ZNF20: variants seen among roughly 807,000 people sequenced by gnomAD.
The protein encoded by ZNF20 is zinc finger protein 20.
Under a neutral mutation model 11.0 loss-of-function variants are expected in ZNF20, and 9 were observed. The ratio of observed to expected loss-of-function variants is 0.82; its 90% CI spans 0.49 to 1.43. The LOEUF is 1.43. ZNF20 is among the 40% of genes most tolerant of loss of function. The pLI is 0.00. For missense variants in ZNF20, 528 were observed against 640.8 expected (o/e 0.82, Z 1.90); for synonymous variants, 182 against 213.0 (o/e 0.85, Z 1.27).
intron 1 of ZNF20, 91 bp from the exon 2 acceptor site, chr19:12,135,995 A>C: frequency 1.3e-6 from 2 of 1,489,452 alleles, no homozygotes; most frequent in Non-Finnish European, 9.0e-7. Flanking sequence ...GTGGACTCCA[A>C]ACATTTATCC....
chr19:12,137,994 CT>C (rs1976739323), intron 1 of ZNF20, among the ~76,000 whole-genome samples: 1 of 152,120 alleles, frequency 6.6e-6, no homozygotes, highest in Non-Finnish European at 1.5e-5. Context: ...CACACCCTGC[CT>C]CAGGCTATCC....
At chr19:12,134,614 G>T (rs1000951901) in intron 3 of ZNF20, among the ~76,000 whole-genome samples, 1 of 152,082 alleles carries the variant, frequency 6.6e-6, no homozygotes, top group Non-Finnish European at 1.5e-5. Flanking sequence ...CTCCACTCCC[G>T]CCTGGGTGAC....
rs780424478 is a variant in ZNF20 at position 12,132,797 on chromosome 19, G to A, written c.1389C>T (p.Ser463=). The change falls in exon 4 of 4, where the codon TCC becomes TCT. Residue 463 remains serine (S), a synonymous_variant. Coordinates refer to ENST00000334213, the MANE Select transcript of ZNF20 (RefSeq NM_021143.4). ...CKVCGKAFTC[S]SSIRYHERTH... ...TCCTTTCATGATATCGAATGGAACTGGAACAAGTGAAGGCTTTGCCACATA... is the reference window on the plus strand; with the variant it reads ...TCCTTTCATGATATCGAATGGAACTAGAACAAGTGAAGGCTTTGCCACATA... The A allele has an allele frequency of 6.2e-7, 1 of 1,613,764 alleles. No homozygotes were observed. Among genetic ancestry groups the A allele is most frequent in the Admixed American group, 1.7e-5 (1 of 59,968 alleles).
At position 12,133,854 on chromosome 19, in the gene ZNF20, CCA is replaced by C. The variant is rs1599431997; in HGVS notation, c.330_331del (p.Cys110TrpfsTer11). 2 of 1,614,198 alleles carry C rather than the reference CCA, an allele frequency of 1.2e-6. No homozygotes were observed. Among genetic ancestry groups the C allele is most frequent in the Non-Finnish European group, 1.7e-6 (2 of 1,180,040 alleles). On this transcript the variant is annotated frameshift_variant, in exon 4 of 4. Transcript: ENST00000334213. LOFTEE classifies it low-confidence loss of function (END_TRUNC). Reference sequence around the variant, plus strand: ...AGATGAATGACCCGTGCCAACTTCTCCACACACACTGCTTTCACATGGTGTTA... The same window carrying C: ...AGATGAATGACCCGTGCCAACTTCTCCACACACTGCTTTCACATGGTGTTA...
At position 12,139,121 on chromosome 19, in the gene ZNF20, C is replaced by T. The variant is rs987498292; in HGVS notation, c.3+1059G>A. ...TTGAGGCAGGAAAATAGGGTCTGGACGCAGGGAACATAAGGCCTATTCAAA... is the reference window on the plus strand; with the variant it reads ...TTGAGGCAGGAAAATAGGGTCTGGATGCAGGGAACATAAGGCCTATTCAAA... On this transcript the variant is annotated intron_variant, in intron 1 of 3. Coordinates refer to ENST00000334213, the MANE Select transcript of ZNF20 (RefSeq NM_021143.4). The surrounding 1 kb of genome is among the most constrained non-coding windows in gnomAD (Gnocchi z 4.0). Among the ~76,000 whole-genome samples, 32 of 152,210 alleles carry T rather than the reference C, an allele frequency of 2.1e-4. No individual in the cohort carries two copies. The highest frequency in any genetic ancestry group is 7.4e-5 in the Non-Finnish European group (5 of 68,022).
chr19:12,140,348 G>T lies in ZNF20; in HGVS notation c.-166C>A. The T allele has an allele frequency of 1.1e-6, 1 of 889,394 alleles. No homozygotes were observed. 55.1% of individuals were successfully genotyped at this position (889,394 alleles called of 1,614,324 possible). On this transcript the variant is annotated 5_prime_UTR_variant, in exon 1 of 4. Transcript: ENST00000334213. ...AACCTGCATAGCAACAAAAGTAGAA[G>T]CTGGAATGGGCCTCCTCCTTCCGGA...
chr19:12,138,445 C>CA (rs34380888), intron 1 of ZNF20, among the ~76,000 whole-genome samples: 37,642 of 89,642 alleles, frequency 0.42, 6,888 homozygotes, highest in African/African-American at 0.6. Flanking sequence ...GACTTTCTCT[C>CA]AAAAAAAAAA....
In ZNF20 at chr19:12,133,300, T is replaced by G. The variant is rs973390509; in HGVS notation, c.886A>C (p.Ser296Arg). ...KQCGKVFISFSSIQYHKMTHT... is the reference protein window; with the variant it reads ...KQCGKVFISFRSIQYHKMTHT... ...GTCATCTTATGATACTGAATGGAACTGAAAGAAATGAAGACTTTCCCACAT... is the reference window on the plus strand; with the variant it reads ...GTCATCTTATGATACTGAATGGAACGGAAAGAAATGAAGACTTTCCCACAT... The change falls in exon 4 of 4, where the codon AGT becomes CGT. Residue 296 changes from serine to arginine, a missense_variant. Transcript: ENST00000334213. 3 of 1,614,014 alleles carry G rather than the reference T, an allele frequency of 1.9e-6. No individual in the cohort carries two copies. The highest frequency in any genetic ancestry group is 1.3e-5 in the African/African-American group (1 of 74,920).
In ZNF20 at chr19:12,133,384, T is replaced by G. The variant is rs200081943; in HGVS notation, c.802A>C (p.Ser268Arg). The G allele has an allele frequency of 1.6e-3, 2,537 of 1,614,180 alleles. 7 individuals carry two copies. Among genetic ancestry groups the G allele is most frequent in the Non-Finnish European group, 1.9e-3 (2,193 of 1,180,010 alleles). The change falls in exon 4 of 4, where the codon AGT (serine) becomes CGT (arginine). Residue 268 changes from serine to arginine, a missense_variant. Coordinates refer to ENST00000334213, the MANE Select transcript of ZNF20 (RefSeq NM_021143.4). ...GACCTTTTATGTCTACGAATTTCAC[T>G]AGGAAAACTGAATGCATTCCCACAT... ...KECGNAFSFP[S>R]EIRRHKRSHT...
chr19:12,131,455 CTT>C lies in ZNF20; in HGVS notation c.*1130_*1131del, dbSNP rs1275164898. On this transcript the variant is annotated 3_prime_UTR_variant, in exon 4 of 4. Coordinates refer to ENST00000334213, the MANE Select transcript of ZNF20 (RefSeq NM_021143.4). Reference sequence around the variant, plus strand: ...TTACCACAGTATATTATTACACCCTCTTTGACGACACTTATGCCACTGGTGGT... The same window carrying C: ...TTACCACAGTATATTATTACACCCTCTGACGACACTTATGCCACTGGTGGT... The C allele has an allele frequency of 1.3e-5, 2 of 152,186 alleles. No homozygotes were observed. The highest frequency in any genetic ancestry group is 4.8e-5 in the African/African-American group (2 of 41,448). The allele number at this position is 152,186 out of a possible 1,614,324, so 9.4% of individuals were successfully genotyped here. A position where few individuals can be genotyped will look rare whatever the true frequency, so the allele number is the denominator to read the frequency against.
At chr19:12,134,885 T>G (rs948617100) in intron 3 of ZNF20, among the ~76,000 whole-genome samples, 1 of 152,100 alleles carries the variant, frequency 6.6e-6, no homozygotes, top group Non-Finnish European at 1.5e-5. Flanking sequence ...TCTTTTTTTT[T>G]GAGTTGGGGT....
At chr19:12,140,128 CGGTT>C in intron 1 of ZNF20, 48 bp downstream of exon 1, 1 of 1,577,136 alleles carries the variant, frequency 6.3e-7, no homozygotes, top group East Asian at 2.3e-5. Context: ...CGCTTCCGGC[CGGTT>C]CCACCCAGCC....
In ZNF20 at chr19:12,132,543, G is replaced by T; in HGVS notation, c.*44C>A. The stretch of plus-strand genomic sequence containing the variant: ...CTTTTCTTGTGTTTCAAAGGAAGTG[G>T]GACAACAGAAAGCTTCTCCCGTTGC... On this transcript the variant is annotated 3_prime_UTR_variant, in exon 4 of 4. Transcript: ENST00000334213. 6.6e-7 allele frequency: 1 copy of T among 1,519,606 alleles called. No individual in the cohort carries two copies. The highest frequency in any genetic ancestry group is 8.8e-7 in the Non-Finnish European group (1 of 1,135,842). 94.1% of individuals were successfully genotyped at this position (1,519,606 alleles called of 1,614,324 possible).
At chr19:12,134,515 C>A (rs773043405) in intron 3 of ZNF20, among the ~76,000 whole-genome samples, 2 of 151,916 alleles carry the variant, frequency 1.3e-5, no homozygotes, top group African/African-American at 4.8e-5. Context: ...TGACGGCGTG[C>A]GCTTGTAATC....
intron 3 of ZNF20, among the ~76,000 whole-genome samples, chr19:12,135,059 CAT>C (rs1236462400): frequency 4.6e-5 from 7 of 151,996 alleles, no homozygotes; most frequent in South Asian, 2.1e-4. Flanking sequence ...TACATTTAAA[CAT>C]ATGTTTTTAG....
chr19:12,138,881 C>T (rs977370107), intron 1 of ZNF20, among the ~76,000 whole-genome samples: 3 of 151,900 alleles, frequency 2.0e-5, no homozygotes, highest in Non-Finnish European at 2.9e-5. Context: ...TTTGGAGATG[C>T]GGAAAAGTAA....
chr19:12,133,089 G>A lies in ZNF20; in HGVS notation c.1097C>T (p.Pro366Leu), dbSNP rs373414827. 8.1e-6 allele frequency: 13 copies of A among 1,613,822 alleles called. No individual in the cohort carries two copies. The highest frequency in any genetic ancestry group is 1.0e-5 in the Non-Finnish European group (12 of 1,179,998). The change falls in exon 4 of 4, where the codon CCC becomes CTC. Residue 366 changes from proline to leucine, a missense_variant. Transcript: ENST00000334213. Reference protein sequence around the residue: ...RHEKTHTEDKPYGCKQCGKGF... With the variant: ...RHEKTHTEDKLYGCKQCGKGF... ...TTTCCCACACTGCTTACATCCATAG[G>A]GTTTATCCTCAGTGTGTGTCTTTTC...
In ZNF20 at chr19:12,132,360, G is replaced by A. The variant is rs1251628916; in HGVS notation, c.*227C>T. ...TGTGTGGGGCCTCTAATATGTGACT[G>A]ATGCCTTCCTTTTCTGTGCCTTTGA... On this transcript the variant is annotated 3_prime_UTR_variant, in exon 4 of 4. Transcript: ENST00000334213. 4.0e-6 allele frequency: 2 copies of A among 504,134 alleles called. No homozygotes were observed. The highest frequency in any genetic ancestry group is 6.5e-5 in the South Asian group (2 of 30,700). The allele number at this position is 504,134 out of a possible 1,614,324, so 31.2% of individuals were successfully genotyped here.
In ZNF20 at chr19:12,133,465, T is replaced by C. The variant is rs776857588; in HGVS notation, c.721A>G (p.Thr241Ala). ...QCGKAFTRST[T>A]LPVHERTHTG... is the part of the protein sequence containing the mutation. Reference sequence around the variant, plus strand: ...TGAGTTCTTTCATGTACTGGAAGGGTAGTGGAACGAGTAAAGGCCTTACCA... The same window carrying C: ...TGAGTTCTTTCATGTACTGGAAGGGCAGTGGAACGAGTAAAGGCCTTACCA... The change falls in exon 4 of 4, where the codon ACC becomes GCC. Residue 241 changes from threonine (T) to alanine (A), a missense_variant. By Grantham distance (58) the Thr-to-Ala change is moderately conservative (BLOSUM62 0). Transcript: ENST00000334213. 5 of 1,614,144 alleles carry C rather than the reference T, an allele frequency of 3.1e-6. No homozygotes were observed. In the South Asian group the frequency reaches 4.4e-5, roughly 14 times the overall value.
Sources: gnomAD v4.1 joint callset for allele counts (sites outside exome capture counted in the v4.1 genomes callset) on GRCh38, gnomAD v4.1.1 for gene constraint, Gnocchi (gnomAD v3.1) non-coding constraint, MANE v1.5 for transcripts, NCBI Gene and HGNC (gene_info 2026-07-23, HGNC 2026-07-21) for gene names.